The following PRKCH variants were observed in gnomAD, a reference collection of about 807,000 sequenced individuals.
PRKCH encodes the protein protein kinase C eta, also known as protein kinase C eta type.
PRKCH carries 28 observed loss-of-function variants against 82.5 expected under a neutral mutation model. The ratio of observed to expected loss-of-function variants is 0.34; its 90% CI spans 0.25 to 0.47. The LOEUF is 0.47. PRKCH is among the 20% of genes least tolerant of loss of function. The probability of loss-of-function intolerance (pLI) is 1.00; values close to 1 mark genes in which losing one functional copy is unlikely to be tolerated. For missense variants in PRKCH, 705 were observed against 881.8 expected, an observed-to-expected ratio of 0.80 and a Z score of 2.54; for synonymous variants, 322 against 327.4, an observed-to-expected ratio of 0.98 and a Z score of 0.18.
chr14:61,291,777 G>T (rs187018622), intron 1 of PRKCH, among the ~76,000 whole-genome samples: 1 of 152,252 alleles, frequency 6.6e-6, no homozygotes, highest in East Asian at 1.9e-4. Flanking sequence ...CTTGAAACGC[G>T]GTGGTATTAA....
chr14:61,383,692 G>A (rs1157861705), intron 1 of PRKCH, among the ~76,000 whole-genome samples: 1 of 151,928 alleles, frequency 6.6e-6, no homozygotes, highest in Non-Finnish European at 1.5e-5. Flanking sequence ...AGGTTCAAAT[G>A]AATGAATAGA....
At chr14:61,393,994 G>C (rs542826080) in intron 2 of PRKCH, among the ~76,000 whole-genome samples, 1 of 152,132 alleles carries the variant, frequency 6.6e-6, no homozygotes, top group African/African-American at 2.4e-5. Flanking sequence ...TTGGTGGGAG[G>C]GTTGGTCCAT....
chr14:61,363,767 AT>A (rs1210001853), intron 1 of PRKCH, among the ~76,000 whole-genome samples: 1 of 151,762 alleles, frequency 6.6e-6, no homozygotes, highest in African/African-American at 2.4e-5. Flanking sequence ...CGGGCAGGGG[AT>A]GGAGTCCAAG....
chr14:61,390,814 C>A, intron 1 of PRKCH: 1 of 158,842 alleles, frequency 6.3e-6, no homozygotes, highest in Non-Finnish European at 1.4e-5. Context: ...TTGCAGTTGA[C>A]CAAGCCACAT....
intron 9 of PRKCH, among the ~76,000 whole-genome samples, chr14:61,458,024 T>G (rs1244435221): frequency 6.6e-6 from 1 of 152,228 alleles, no homozygotes. Flanking sequence ...GCTCATTGTC[T>G]TGATGAATTT....
At chr14:61,454,495 A>C (rs1235922334) in intron 7 of PRKCH, among the ~76,000 whole-genome samples, 2 of 152,236 alleles carry the variant, frequency 1.3e-5, no homozygotes, top group Non-Finnish European at 1.5e-5. Context: ...TCTGGGGACC[A>C]GGCAGGACAG....
chr14:61,499,969 G>C (rs1158787407), intron 10 of PRKCH, among the ~76,000 whole-genome samples: 2 of 151,244 alleles, frequency 1.3e-5, no homozygotes, highest in Non-Finnish European at 2.9e-5. Flanking sequence ...TAGTTTACCT[G>C]TTAACAAAGG....
Position 61,321,972 on chromosome 14 carries a change from C to T in PRKCH, c.-130C>T, listed in dbSNP as rs1566818983. On this transcript the variant is annotated 5_prime_UTR_variant, in exon 1 of 14. Transcript: ENST00000332981. The surrounding 1 kb of genome is among the most constrained non-coding windows in gnomAD (Gnocchi z 4.1). ...AGGCAGAATGGCCAGTCGAGGGGCG[C>T]TTAGGCGCTGCCTTTCCCCAGGGCT... 2.0e-6 allele frequency: 2 copies of T among 1,014,380 alleles called. No homozygotes were observed. The highest frequency in any genetic ancestry group is 2.8e-6 in the Non-Finnish European group (2 of 715,544). 62.8% of individuals were successfully genotyped at this position (1,014,380 alleles called of 1,614,324 possible). A position where few individuals can be genotyped will look rare whatever the true frequency, so the allele number is the denominator to read the frequency against.
intron 10 of PRKCH, among the ~76,000 whole-genome samples, chr14:61,510,796 C>T (rs1367132704): frequency 6.6e-6 from 1 of 152,032 alleles, no homozygotes; most frequent in East Asian, 1.9e-4. Flanking sequence ...GGAGTGCCAC[C>T]GTATCCTAGT....
intron 10 of PRKCH, among the ~76,000 whole-genome samples, chr14:61,518,877 A>G (rs897942879): frequency 6.6e-6 from 1 of 151,798 alleles, no homozygotes; most frequent in Non-Finnish European, 1.5e-5. Flanking sequence ...CAGTAGCACA[A>G]TCATAGCTCA....
intron 1 of PRKCH, among the ~76,000 whole-genome samples, chr14:61,286,451 C>T (rs1594892034): frequency 6.6e-6 from 1 of 152,156 alleles, no homozygotes; most frequent in African/African-American, 2.4e-5. Flanking sequence ...CTCCCTGCCA[C>T]GGTGTGTTGG....
chr14:61,499,504 A>G (rs540195016), intron 10 of PRKCH, among the ~76,000 whole-genome samples: 16 of 152,162 alleles, frequency 1.1e-4, no homozygotes, highest in Admixed American at 8.5e-4. Context: ...CTGGCCCCTC[A>G]CATCTTGCTC....
At chr14:61,193,127 C>G (rs2044417981) in intron 1 of PRKCH, among the ~76,000 whole-genome samples, 1 of 152,136 alleles carries the variant, frequency 6.6e-6, no homozygotes, top group Non-Finnish European at 1.5e-5. Flanking sequence ...ACTGTGGTAA[C>G]CTCTAGAAGT....
At chr14:61,471,245 C>A (rs191680227) in intron 9 of PRKCH, among the ~76,000 whole-genome samples, 1 of 78,236 alleles carries the variant, frequency 1.3e-5, no homozygotes, top group East Asian at 4.6e-4. Flanking sequence ...AGGAGGTACA[C>A]CTGATAGGAC....
intron 10 of PRKCH, among the ~76,000 whole-genome samples, chr14:61,503,888 G>A (rs1422019464): frequency 6.6e-6 from 1 of 152,066 alleles, no homozygotes; most frequent in Non-Finnish European, 1.5e-5. Context: ...GTTATACTTT[G>A]TGTTTTAAGA....
intron 1 of PRKCH, among the ~76,000 whole-genome samples, chr14:61,202,861 A>G (rs960447065): frequency 1.3e-5 from 2 of 152,150 alleles, no homozygotes; most frequent in Admixed American, 1.3e-4. Context: ...TGATGAGCCA[A>G]TATGAATACA....
upstream of PRKCH, among the ~76,000 whole-genome samples, chr14:61,320,354 C>T (rs988675763): frequency 6.6e-6 from 1 of 152,088 alleles, no homozygotes; most frequent in Non-Finnish European, 1.5e-5. Context: ...AATCTCAGCA[C>T]TTTGGGAGGC....
At chr14:61,349,957 A>G (rs1239420141) in intron 1 of PRKCH, among the ~76,000 whole-genome samples, 2 of 152,172 alleles carry the variant, frequency 1.3e-5, no homozygotes, top group Non-Finnish European at 1.5e-5. Context: ...CAAGCACTCA[A>G]TGACAAGTTA....
chr14:61,196,157 G>T (rs1280943908), intron 1 of PRKCH, among the ~76,000 whole-genome samples: 1 of 152,144 alleles, frequency 6.6e-6, no homozygotes, highest in Non-Finnish European at 1.5e-5. Flanking sequence ...GCATAACATT[G>T]GATCCTGGAG....
Sources: allele counts gnomAD v4.1 joint callset (sites outside exome capture counted in the v4.1 genomes callset), GRCh38; gene constraint gnomAD v4.1.1; non-coding constraint Gnocchi (gnomAD v3.1); transcripts MANE v1.5; gene names NCBI Gene and HGNC (gene_info 2026-07-23, HGNC 2026-07-21).